TTPA: variants seen among roughly 807,000 people sequenced by gnomAD.
TTPA encodes the protein alpha-tocopherol transfer protein.
A neutral mutation model predicts 25.9 loss-of-function variants in TTPA; 23 were observed. That is an observed-to-expected ratio of 0.89 (90% confidence interval 0.64 to 1.26). The LOEUF is 1.26. TTPA is among the 50% of genes most tolerant of loss of function. TTPA has a pLI of 0.00. For synonymous variants in TTPA, 148 were observed against 137.3 expected, an observed-to-expected ratio of 1.08 and a Z score of -0.54; for missense variants, 337 against 353.1, an observed-to-expected ratio of 0.95 and a Z score of 0.37.
chr8:63,070,563 C>T (rs6998706), intron 2 of TTPA, among the ~76,000 whole-genome samples: 2,591 of 152,296 alleles, frequency 0.017, 78 homozygotes, highest in African/African-American at 0.059. Context: ...CCTTCCTGTT[C>T]TGACCATCAC....
Position 63,066,101 on chromosome 8 carries a change from A to T in TTPA, c.359-4T>A. On this transcript the variant is annotated splice_region_variant and splice_polypyrimidine_tract_variant and intron_variant, in intron 2 of 4. Transcript: ENST00000260116. ...AAAACTTTGGGGTCCCAGTGTGCTA[A>T]AAAAAATAAAGCATATCATATCTTA... The T allele has an allele frequency of 6.9e-7, 1 of 1,453,882 alleles. No homozygotes were observed. The highest frequency in any genetic ancestry group is 3.0e-5 in the African/African-American group (1 of 33,338). The allele number at this position is 1,453,882 out of a possible 1,614,324, so 90.1% of individuals were successfully genotyped here.
intron 3 of TTPA, among the ~76,000 whole-genome samples, chr8:63,064,691 A>G (rs1472221501): frequency 6.6e-6 from 1 of 152,202 alleles, no homozygotes; most frequent in East Asian, 1.9e-4. Flanking sequence ...AATCACAAAT[A>G]TTGAAAGACT....
In TTPA at chr8:63,061,365, G is replaced by A; in HGVS notation, c.724C>T (p.Pro242Ser). Residue 242 changes from proline to serine, a missense_variant, in exon 5 of 5, where the codon CCT becomes TCT. By Grantham distance (74) the Pro-to-Ser change is moderately conservative. Coordinates refer to ENST00000260116, the MANE Select transcript of TTPA (RefSeq NM_000370.3). ...AATTCTTCACCACCATATTCCAGAGGAAGAATGTCTGGGAAATGCTGAAGC... is the reference window on the plus strand; with the variant it reads ...AATTCTTCACCACCATATTCCAGAGAAAGAATGTCTGGGAAATGCTGAAGC... ...SLLQHFPDILPLEYGGEEFSM... is the reference protein window; with the variant it reads ...SLLQHFPDILSLEYGGEEFSM... 1.2e-6 allele frequency: 2 copies of A among 1,613,986 alleles called. No individual in the cohort carries two copies. The highest frequency in any genetic ancestry group is 8.5e-7 in the Non-Finnish European group (1 of 1,179,940).
chr8:63,081,706 T>C (rs2129785144), intron 1 of TTPA, among the ~76,000 whole-genome samples: 1 of 152,334 alleles, frequency 6.6e-6, no homozygotes, highest in Non-Finnish European at 1.5e-5. Flanking sequence ...AAATTGTCCC[T>C]GTTTGCAGAA....
At chr8:63,075,805 A>T (rs1805554264) in intron 1 of TTPA, among the ~76,000 whole-genome samples, 1 of 152,098 alleles carries the variant, frequency 6.6e-6, no homozygotes, top group African/African-American at 2.4e-5. Flanking sequence ...TGGACACATG[A>T]TATGAAAAAT....
At chr8:63,063,670 T>G (rs1805344194) in intron 4 of TTPA, among the ~76,000 whole-genome samples, 1 of 152,184 alleles carries the variant, frequency 6.6e-6, no homozygotes, top group Non-Finnish European at 1.5e-5. Context: ...TAATGTAAAT[T>G]TATGAAATAT....
At chr8:63,077,670 G>A (rs1805585543) in intron 1 of TTPA, among the ~76,000 whole-genome samples, 1 of 152,252 alleles carries the variant, frequency 6.6e-6, no homozygotes, top group Non-Finnish European at 1.5e-5. Context: ...CTCGAACTGG[G>A]TGGAGCCCAC....
At chr8:63,059,459 T>G (rs902560154), downstream of TTPA, among the ~76,000 whole-genome samples, 3 of 152,218 alleles carry the variant, frequency 2.0e-5, no homozygotes, top group African/African-American at 7.2e-5. Flanking sequence ...TGTATAATCC[T>G]AAGTATCAGC....
chr8:63,085,622 G>A (rs1187243686), intron 1 of TTPA, among the ~76,000 whole-genome samples, 196 bp downstream of exon 1: 2 of 152,242 alleles, frequency 1.3e-5, no homozygotes, highest in Admixed American at 1.3e-4. Context: ...ATGACCCAGA[G>A]AAACTGGAGG....
chr8:63,063,062 T>C (rs1163576211), intron 4 of TTPA, among the ~76,000 whole-genome samples: 1 of 152,228 alleles, frequency 6.6e-6, no homozygotes, highest in Non-Finnish European at 1.5e-5. Context: ...AGGTATAAGA[T>C]GTTATATTTT....
chr8:63,077,415 G>A (rs1477242911), intron 1 of TTPA, among the ~76,000 whole-genome samples: 1 of 152,222 alleles, frequency 6.6e-6, no homozygotes, highest in Non-Finnish European at 1.5e-5. Context: ...GCCAAGGGAA[G>A]CCATGACGGA....
intron 1 of TTPA, 111 bp from the exon 2 acceptor site, chr8:63,073,199 G>C: frequency 1.2e-6 from 1 of 856,110 alleles, no homozygotes; most frequent in South Asian, 1.5e-5. Flanking sequence ...ATTATGTCAA[G>C]AGTTTAATCT....
intron 2 of TTPA, among the ~76,000 whole-genome samples, chr8:63,066,952 G>A (rs1805400293): frequency 6.6e-6 from 1 of 152,038 alleles, no homozygotes; most frequent in African/African-American, 2.4e-5. Context: ...GTAGGTGCCT[G>A]TATTTCCAGC....
At chr8:63,063,327 T>C (rs75420013) in intron 4 of TTPA, among the ~76,000 whole-genome samples, 1 of 152,014 alleles carries the variant, frequency 6.6e-6, no homozygotes, top group African/African-American at 2.4e-5. Flanking sequence ...AAGTCTAAGA[T>C]ATATGAGATG....
chr8:63,082,641 C>T (rs915860010), intron 1 of TTPA, among the ~76,000 whole-genome samples: 4 of 152,142 alleles, frequency 2.6e-5, no homozygotes, highest in South Asian at 2.1e-4. Context: ...AACTGAGAAA[C>T]GGGATCTAAT....
chr8:63,075,688 G>C (rs1805550883), intron 1 of TTPA, among the ~76,000 whole-genome samples: 1 of 121,646 alleles, frequency 8.2e-6, no homozygotes. Flanking sequence ...GACAGAGCCA[G>C]ACTCCGTCTC....
Position 63,079,595 on chromosome 8 carries a change from G to C in TTPA, c.204+6223C>G, listed in dbSNP as rs181339735. On this transcript the variant is annotated intron_variant, in intron 1 of 4. Coordinates refer to ENST00000260116, the MANE Select transcript of TTPA (RefSeq NM_000370.3). ...AGACAAAGAAGGTCATTATATAATG[G>C]TAAAGGGATCAATTCAACAAGAAGA... Among the ~76,000 whole-genome samples the C allele has an allele frequency of 1.8e-3, 269 of 152,224 alleles. 1 individual carries two copies. Among genetic ancestry groups the C allele is most frequent in the African/African-American group, 6.1e-3 (252 of 41,522 alleles).
Position 63,060,958 on chromosome 8 carries a change from CAT to C in TTPA, c.*292_*293del. The C allele has an allele frequency of 6.9e-6, 2 of 289,626 alleles. No individual in the cohort carries two copies. Among genetic ancestry groups the C allele is most frequent in the Non-Finnish European group, 1.3e-5 (2 of 150,160 alleles). 17.9% of individuals were successfully genotyped at this position (289,626 alleles called of 1,614,324 possible). ...CTTTCTAGAAACATACAAAGATGCA[CAT>C]GAGCAGCTACTTTAGCAATAACTTT... On this transcript the variant is annotated 3_prime_UTR_variant, in exon 5 of 5. Transcript: ENST00000260116.
At chr8:63,085,651 G>A (rs1805736439) in intron 1 of TTPA, among the ~76,000 whole-genome samples, 167 bp downstream of exon 1, 1 of 152,180 alleles carries the variant, frequency 6.6e-6, no homozygotes, top group African/African-American at 2.4e-5. Context: ...TGGATTCTCG[G>A]AACATCTACA....
Sources: gnomAD v4.1 joint callset for allele counts (sites outside exome capture counted in the v4.1 genomes callset) on GRCh38, gnomAD v4.1.1 for gene constraint, MANE v1.5 for transcripts, NCBI Gene and HGNC (gene_info 2026-07-23, HGNC 2026-07-21) for gene names.